The following PPARGC1A variants were observed in gnomAD, a reference collection of about 807,000 sequenced individuals.
PPARGC1A encodes the protein PPARG coactivator 1 alpha, also known as peroxisome proliferator-activated receptor gamma coactivator 1-alpha.
A neutral mutation model predicts 88.7 loss-of-function variants in PPARGC1A; 25 were observed. That is an observed-to-expected ratio of 0.28 (90% CI 0.21 to 0.39). The LOEUF (loss-of-function observed/expected upper bound fraction) is 0.39. Ranked by LOEUF, PPARGC1A falls within the 10% of genes least tolerant of loss-of-function variation. The pLI, the probability that PPARGC1A is intolerant of heterozygous loss-of-function variation, is 1.00. For synonymous variants in PPARGC1A, 363 were observed against 355.6 expected, an observed-to-expected ratio of 1.02 and a Z score of -0.24; for missense variants, 880 against 968.7, an observed-to-expected ratio of 0.91 and a Z score of 1.22.
the PPARGC1A span, among the ~76,000 whole-genome samples, chr4:23,962,163 G>T: frequency 6.6e-6 from 1 of 151,876 alleles, no homozygotes; most frequent in South Asian, 2.1e-4. Context: ...GAAATAGCAA[G>T]GGGACAATTT....
At chr4:24,170,661 C>T in the PPARGC1A span, among the ~76,000 whole-genome samples, 1 of 152,170 alleles carries the variant, frequency 6.6e-6, no homozygotes, top group African/African-American at 2.4e-5. Context: ...CTCCTTCACT[C>T]AGACATTCCA....
chr4:24,328,877 G>A, the PPARGC1A span, among the ~76,000 whole-genome samples: 1 of 152,146 alleles, frequency 6.6e-6, no homozygotes, highest in East Asian at 1.9e-4. Flanking sequence ...TGGCTTTCAC[G>A]GGTGCTGGAA....
chr4:23,830,989 GT>G (rs1254519138), intron 3 of PPARGC1A, among the ~76,000 whole-genome samples: 1 of 152,050 alleles, frequency 6.6e-6, no homozygotes, highest in Non-Finnish European at 1.5e-5. Flanking sequence ...TTCTAGGATT[GT>G]ATGTATAAGA....
the PPARGC1A span, among the ~76,000 whole-genome samples, chr4:24,202,124 C>T: frequency 3.9e-4 from 60 of 152,122 alleles, 1 homozygote; most frequent in Admixed American, 2.9e-3. Flanking sequence ...GTGATCCACC[C>T]GCCTCAGCCT....
At chr4:24,354,692 C>T in the PPARGC1A span, among the ~76,000 whole-genome samples, 13 of 152,238 alleles carry the variant, frequency 8.5e-5, no homozygotes, top group East Asian at 1.7e-3. Context: ...CAAGACCATA[C>T]TGGCTAACAT....
At chr4:24,215,040 A>T in the PPARGC1A span, among the ~76,000 whole-genome samples, 4 of 152,110 alleles carry the variant, frequency 2.6e-5, no homozygotes, top group Non-Finnish European at 4.4e-5. Context: ...AATCTTAATC[A>T]CCATTGAACA....
chr4:23,849,339 G>A (rs949329218), intron 2 of PPARGC1A, among the ~76,000 whole-genome samples: 4 of 152,166 alleles, frequency 2.6e-5, no homozygotes, highest in South Asian at 2.1e-4. Context: ...CTAGGAAACC[G>A]TATGCCATGT....
At chr4:24,034,270 A>G in the PPARGC1A span, among the ~76,000 whole-genome samples, 3,387 of 152,202 alleles carry the variant, frequency 0.022, 64 homozygotes, top group Middle Eastern at 0.061. Flanking sequence ...CAATAAATGA[A>G]TCACAAAGTA....
the PPARGC1A span, among the ~76,000 whole-genome samples, chr4:23,923,318 G>A: frequency 4.6e-5 from 7 of 152,104 alleles, no homozygotes; most frequent in Middle Eastern, 6.8e-3. Context: ...TTGTATGCTT[G>A]ACTCACCCAC....
chr4:23,988,998 TA>T, the PPARGC1A span, among the ~76,000 whole-genome samples: 1 of 148,572 alleles, frequency 6.7e-6, no homozygotes, highest in East Asian at 2.0e-4. Flanking sequence ...CATACACTAT[TA>T]TATATATACA....
chr4:23,928,488 T>C, the PPARGC1A span, among the ~76,000 whole-genome samples: 1 of 152,174 alleles, frequency 6.6e-6, no homozygotes, highest in South Asian at 2.1e-4. Flanking sequence ...GGAATGCTTT[T>C]ATACTGTTGG....
the PPARGC1A span, among the ~76,000 whole-genome samples, chr4:23,917,867 C>T: frequency 2.0e-5 from 3 of 152,188 alleles, no homozygotes; most frequent in Non-Finnish European, 2.9e-5. Context: ...ACAAGCAAAT[C>T]AATATCGCCA....
At chr4:24,234,144 G>A in the PPARGC1A span, among the ~76,000 whole-genome samples, 1 of 152,132 alleles carries the variant, frequency 6.6e-6, no homozygotes, top group Non-Finnish European at 1.5e-5. Flanking sequence ...TGAAATGAAA[G>A]CACAATGGGC....
the PPARGC1A span, among the ~76,000 whole-genome samples, chr4:24,340,972 C>T: frequency 2.0e-5 from 3 of 152,084 alleles, no homozygotes; most frequent in African/African-American, 7.3e-5. Flanking sequence ...ATTGATGGCA[C>T]AGGCAATCAA....
At chr4:24,450,686 A>C in the PPARGC1A span, among the ~76,000 whole-genome samples, 2 of 152,182 alleles carry the variant, frequency 1.3e-5, no homozygotes, top group African/African-American at 4.8e-5. Context: ...ATTACAAGTA[A>C]TCTTTCTTTC....
the PPARGC1A span, among the ~76,000 whole-genome samples, chr4:24,208,598 G>A: frequency 1.3e-5 from 2 of 148,904 alleles, no homozygotes; most frequent in Non-Finnish European, 3.0e-5. Context: ...ACTGAACTAG[G>A]CAATAAGGAC....
upstream of PPARGC1A, chr4:23,904,024 C>T (rs1437109685): frequency 1.0e-6 from 1 of 979,782 alleles, no homozygotes; most frequent in African/African-American, 1.8e-5. Context: ...ATGATAACCC[C>T]AACATGTGTG....
the PPARGC1A span, among the ~76,000 whole-genome samples, chr4:24,025,290 A>G: frequency 6.6e-6 from 1 of 152,198 alleles, no homozygotes; most frequent in Non-Finnish European, 1.5e-5. Context: ...TGTGTACTTT[A>G]TTAACACAGA....
the PPARGC1A span, among the ~76,000 whole-genome samples, chr4:24,291,099 A>G: frequency 6.6e-6 from 1 of 152,110 alleles, no homozygotes; most frequent in Non-Finnish European, 1.5e-5. Context: ...AGGCCCCTAA[A>G]TGGTTTCCTG....
Sources: allele counts gnomAD v4.1 joint callset (sites outside exome capture counted in the v4.1 genomes callset), GRCh38; gene constraint gnomAD v4.1.1; transcripts MANE v1.5; gene names NCBI Gene and HGNC (gene_info 2026-07-23, HGNC 2026-07-21).